Variants in UTRN observed in about 807,000 individuals in gnomAD.
The protein encoded by UTRN is utrophin, also known as dystrophin-related protein 1.
In UTRN, 283 loss-of-function variants were observed where a neutral mutation model predicts 463.9. The ratio of observed to expected loss-of-function variants is 0.61; its 90% CI spans 0.55 to 0.67. The LOEUF is 0.67. UTRN is among the 30% of genes least tolerant of loss of function. UTRN has a pLI of 0.00. For synonymous variants in UTRN, 1,442 were observed against 1,431.5 expected (o/e 1.01, Z -0.17); for missense variants, 3,922 against 4,084.3 (o/e 0.96, Z 1.08).
chr6:144,690,674 T>A (rs1783307637), intron 52 of UTRN, among the ~76,000 whole-genome samples: 1 of 152,166 alleles, frequency 6.6e-6, no homozygotes, highest in Non-Finnish European at 1.5e-5. Context: ...TGACTTCCCT[T>A]CATCCCTCTG....
At chr6:144,317,975 C>A (rs532940670) in intron 2 of UTRN, among the ~76,000 whole-genome samples, 31 of 152,190 alleles carry the variant, frequency 2.0e-4, no homozygotes, top group African/African-American at 7.2e-4. Flanking sequence ...TTTCTTTTGA[C>A]AAACCTCACG....
chr6:144,783,500 A>T (rs1342753282), intron 61 of UTRN, among the ~76,000 whole-genome samples: 2 of 152,208 alleles, frequency 1.3e-5, no homozygotes, highest in African/African-American at 4.8e-5. Flanking sequence ...ATTTCAATAC[A>T]TGTATACAGT....
At position 144,596,109 on chromosome 6, in the gene UTRN, A is replaced by G. The variant is rs1441144330; in HGVS notation, c.7479+18821A>G. 5.9e-5 allele frequency among the ~76,000 whole-genome samples: 9 copies of G among 152,238 alleles called. No individual in the cohort carries two copies. The South Asian group carries it at 8.3e-4, about 14-fold the overall frequency. On this transcript the variant is annotated intron_variant, in intron 51 of 74. Transcript: ENST00000367545. Reference sequence around the variant, plus strand: ...AGAAAGATTGGAGAAATTATGTCATATAAACCAAAATTTCAGGAAGTTGCA... The same window carrying G: ...AGAAAGATTGGAGAAATTATGTCATGTAAACCAAAATTTCAGGAAGTTGCA...
At chr6:144,662,296 G>A (rs537471680) in intron 51 of UTRN, among the ~76,000 whole-genome samples, 2 of 152,186 alleles carry the variant, frequency 1.3e-5, no homozygotes, top group South Asian at 2.1e-4. Context: ...CTGGAATTAC[G>A]GAAAAGTATC....
rs980229510 is a variant in UTRN, at chr6:144,478,056, A to C, written c.3337-1756A>C. On this transcript the variant is annotated intron_variant, in intron 25 of 74. Coordinates refer to ENST00000367545, the MANE Select transcript of UTRN (RefSeq NM_007124.3). Reference sequence around the variant, plus strand: ...TAATTATCTAGAGCATTTCCAGACTATTGCATTGCATTGACTAGTACAAAT... The same window carrying C: ...TAATTATCTAGAGCATTTCCAGACTCTTGCATTGCATTGACTAGTACAAAT... Among the ~76,000 whole-genome samples, 80 of 152,222 alleles carry C rather than the reference A, an allele frequency of 5.3e-4. 3 individuals are homozygous for C. Among genetic ancestry groups the C allele is most frequent in the Non-Finnish European group, 2.9e-5 (2 of 68,036 alleles).
chr6:144,298,582 TA>T (rs1030138423), intron 2 of UTRN, among the ~76,000 whole-genome samples: 10 of 152,070 alleles, frequency 6.6e-5, no homozygotes, highest in African/African-American at 9.7e-5. Flanking sequence ...AAATTAAGTT[TA>T]AAAAAAATGC....
chr6:144,639,359 A>G (rs78938780), intron 51 of UTRN, among the ~76,000 whole-genome samples: 4,593 of 151,988 alleles, frequency 0.03, 227 homozygotes, highest in African/African-American at 0.11. Context: ...CTAATTTTCC[A>G]GATTTCTGTC....
chr6:144,670,132 T>C (rs192975087), intron 51 of UTRN, among the ~76,000 whole-genome samples: 3 of 152,310 alleles, frequency 2.0e-5, no homozygotes, highest in Admixed American at 2.0e-4. Flanking sequence ...TCTTTTCTTC[T>C]GGGAAGATAC....
chr6:144,362,869 A>G (rs1175277851), intron 2 of UTRN, among the ~76,000 whole-genome samples: 1 of 152,136 alleles, frequency 6.6e-6, no homozygotes, highest in Non-Finnish European at 1.5e-5. Flanking sequence ...TGTATTGAGG[A>G]CCTACTGTGT....
At chr6:144,523,244 C>A in intron 41 of UTRN, 56 bp downstream of exon 41, 4 of 1,329,808 alleles carry the variant, frequency 3.0e-6, no homozygotes, top group Non-Finnish European at 4.0e-6. Context: ...AGTTCATGGG[C>A]GTGAAGAAGA....
intron 51 of UTRN, among the ~76,000 whole-genome samples, chr6:144,656,757 A>G (rs1585820449): frequency 6.6e-6 from 1 of 152,242 alleles, no homozygotes; most frequent in East Asian, 1.9e-4. Context: ...GACTTTGGAT[A>G]TTTACATGAA....
At chr6:144,552,098 A>G (rs560812435) in intron 48 of UTRN, among the ~76,000 whole-genome samples, 3 of 152,358 alleles carry the variant, frequency 2.0e-5, no homozygotes, top group African/African-American at 7.2e-5. Flanking sequence ...AACAGTGCCA[A>G]TACAAATTAA....
intron 33 of UTRN, among the ~76,000 whole-genome samples, chr6:144,493,707 C>T (rs1274409729): frequency 2.6e-5 from 4 of 152,276 alleles, no homozygotes; most frequent in East Asian, 1.9e-4. Context: ...CAGTGGCTCA[C>T]GCCTGTAATC....
At chr6:144,846,170 G>A (rs1396786768) in intron 73 of UTRN, among the ~76,000 whole-genome samples, 1 of 152,190 alleles carries the variant, frequency 6.6e-6, no homozygotes, top group Non-Finnish European at 1.5e-5. Flanking sequence ...CACTGTTATG[G>A]GCTCTGGAAC....
intron 2 of UTRN, among the ~76,000 whole-genome samples, chr6:144,388,340 G>T (rs1287259549): frequency 6.6e-6 from 1 of 151,484 alleles, no homozygotes; most frequent in African/African-American, 2.4e-5. Context: ...TAGAGACAGG[G>T]TCTTACTTTG....
chr6:144,758,097 A>G (rs2128726393), intron 58 of UTRN, 108 bp downstream of exon 58: 1 of 877,492 alleles, frequency 1.1e-6, no homozygotes, highest in South Asian at 1.9e-5. Context: ...CAGTCCTATT[A>G]TCTGAAAGAA....
chr6:144,313,760 T>G (rs2114564743), intron 2 of UTRN, among the ~76,000 whole-genome samples: 1 of 152,296 alleles, frequency 6.6e-6, no homozygotes, highest in East Asian at 1.9e-4. Context: ...GTCCTCTGAT[T>G]TCTCTATTTC....
intron 39 of UTRN, 60 bp downstream of exon 39, chr6:144,517,008 G>A (rs1178927994): frequency 1.5e-6 from 2 of 1,339,392 alleles, no homozygotes; most frequent in South Asian, 2.3e-5. Flanking sequence ...TTGCCATTCA[G>A]ATGTGTGATG....
chr6:144,313,379 TAGAA>T (rs1284761683), intron 2 of UTRN, among the ~76,000 whole-genome samples: 15 of 147,106 alleles, frequency 1.0e-4, no homozygotes, highest in Non-Finnish European at 2.2e-4. Flanking sequence ...GAAAAGAAAA[TAGAA>T]AGGAGAATGG....
Sources: gnomAD v4.1 joint callset for allele counts (sites outside exome capture counted in the v4.1 genomes callset) on GRCh38, gnomAD v4.1.1 for gene constraint, MANE v1.5 for transcripts, NCBI Gene and HGNC (gene_info 2026-07-23, HGNC 2026-07-21) for gene names.